Variants in NTMT1 observed in about 807,000 individuals in gnomAD.
NTMT1 encodes the protein N-terminal RCC1 methyltransferase.
Under a neutral mutation model 17.5 loss-of-function variants are expected in NTMT1, and 8 were observed. The ratio of observed to expected loss-of-function variants is 0.46; its 90% CI spans 0.27 to 0.82. The LOEUF (loss-of-function observed/expected upper bound fraction) is 0.82. NTMT1 is among the 40% of genes least tolerant of loss of function. The probability of loss-of-function intolerance (pLI) is 0.15; values close to 1 mark genes in which losing one functional copy is unlikely to be tolerated. For synonymous variants in NTMT1, 128 were observed against 126.8 expected (o/e 1.01, Z -0.06); for missense variants, 221 against 303.5 (o/e 0.73, Z 2.02).
At position 129,614,476 on chromosome 9, in the gene NTMT1, A is replaced by C; in HGVS notation, c.-55+5298A>C. On this transcript the variant is annotated intron_variant, in intron 1 of 3. Transcript: ENST00000372486. The surrounding 1 kb of genome is among the most constrained non-coding windows in gnomAD (Gnocchi z 4.4). The stretch of plus-strand genomic sequence containing the variant: ...CTCAATAAACAGCTAGAGGACATTG[A>C]CTGTTGGGGACCCTGGGGGCTGCTG... Among the ~76,000 whole-genome samples, 1 of 152,160 alleles carries C rather than the reference A, an allele frequency of 6.6e-6. No individual in the cohort carries two copies. Among genetic ancestry groups the C allele is most frequent in the East Asian group, 1.9e-4 (1 of 5,196 alleles).
At chr9:129,632,893 A>G (rs1283115088) in intron 2 of NTMT1, 28 bp downstream of exon 2, 13 of 1,607,852 alleles carry the variant, frequency 8.1e-6, no homozygotes, top group Non-Finnish European at 9.4e-6. Flanking sequence ...GCTCTCCAGG[A>G]GAGGCTGTGG....
chr9:129,635,658 C>T lies in NTMT1; in HGVS notation c.*194C>T. 1.5e-6 allele frequency: 1 copy of T among 681,398 alleles called. No homozygotes were observed. Among genetic ancestry groups the T allele is most frequent in the East Asian group, 2.7e-5 (1 of 37,404 alleles). The allele number at this position is 681,398 out of a possible 1,614,324, so 42.2% of individuals were successfully genotyped here. A position where few individuals can be genotyped will look rare whatever the true frequency, so the allele number is the denominator to read the frequency against. On this transcript the variant is annotated 3_prime_UTR_variant, in exon 4 of 4. Transcript: ENST00000372483. ...ACCCGGCGGGGAGGGTGCTGCTGAA[C>T]CAGCGGTGAGGCAGGAGCCCAGACC...
chr9:129,610,652 G>C (rs529840022), intron 1 of NTMT1, among the ~76,000 whole-genome samples: 3 of 151,978 alleles, frequency 2.0e-5, no homozygotes, highest in Non-Finnish European at 4.4e-5. Context: ...ACCCTGGAGC[G>C]AGAGGCTGAG....
In NTMT1 at chr9:129,629,532, G is replaced by A. The variant is rs1484745747; in HGVS notation, c.-54-3118G>A. Among the ~76,000 whole-genome samples, 10 of 152,282 alleles carry A rather than the reference G, an allele frequency of 6.6e-5. No homozygotes were observed. The South Asian group carries it at 8.3e-4, about 13-fold the overall frequency. On this transcript the variant is annotated intron_variant, in intron 1 of 3. Coordinates refer to ENST00000372483, the MANE Select transcript of NTMT1 (RefSeq NM_014064.4). ...CAGTCTCCCTAGTAGCTACTAGAAT[G>A]TGTGTATTTTTGACAGAGATGGGGT...
intron 1 of NTMT1, chr9:129,619,727 G>A (rs1455030535): frequency 6.2e-7 from 1 of 1,613,780 alleles, no homozygotes; most frequent in Admixed American, 1.7e-5. Context: ...CCAAGAAGCG[G>A]ACTGACGCTT....
In NTMT1 at chr9:129,620,060, G is replaced by T. The variant is rs1830602721; in HGVS notation, c.-55+10882G>T. On this transcript the variant is annotated intron_variant, in intron 1 of 3. Coordinates refer to the NTMT1 transcript ENST00000372486. The surrounding 1 kb of genome is among the most constrained non-coding windows in gnomAD (Gnocchi z 5.8). ...GGGCCCGCCCCCCGGGCCCCGCGGG[G>T]CCTCACTCAGTGGCTCCGGCTCCTC... 2 of 1,450,520 alleles carry T rather than the reference G, an allele frequency of 1.4e-6. No homozygotes were observed. Among genetic ancestry groups the T allele is most frequent in the Non-Finnish European group, 1.8e-6 (2 of 1,100,228 alleles). The allele number at this position is 1,450,520 out of a possible 1,614,324, so 89.9% of individuals were successfully genotyped here. A position where few individuals can be genotyped will look rare whatever the true frequency, so the allele number is the denominator to read the frequency against.
chr9:129,615,554 A>G (rs1218068254), intron 1 of NTMT1: 5 of 1,610,462 alleles, frequency 3.1e-6, no homozygotes, highest in Non-Finnish European at 4.2e-6. Context: ...GCACCCGGAA[A>G]GGGCAACGCT....
chr9:129,615,590 C>G (rs111868243), intron 1 of NTMT1: 1 of 1,605,686 alleles, frequency 6.2e-7, no homozygotes, highest in Non-Finnish European at 8.5e-7. Context: ...AGCCTTCCCC[C>G]GAGGGGTTGT....
In NTMT1 at chr9:129,620,410, C is replaced by A; in HGVS notation, c.-55+11232C>A. The A allele has an allele frequency of 3.2e-6, 4 of 1,240,406 alleles. No individual in the cohort carries two copies. The highest frequency in any genetic ancestry group is 4.0e-6 in the Non-Finnish European group (4 of 992,574). The allele number at this position is 1,240,406 out of a possible 1,614,324, so 76.8% of individuals were successfully genotyped here. On this transcript the variant is annotated intron_variant, in intron 1 of 3. Transcript: ENST00000372486. The surrounding 1 kb of genome is among the most constrained non-coding windows in gnomAD (Gnocchi z 5.8). ...CCGGCCACCACGCGGCGCCGCCCCC[C>A]GGGATCCTCCAGTCCCCGGAGCCCC...
intron 1 of NTMT1, chr9:129,619,814 T>C: frequency 6.2e-7 from 1 of 1,614,096 alleles, no homozygotes; most frequent in Non-Finnish European, 8.5e-7. Flanking sequence ...CCCTTTGATG[T>C]TGCGGTGCTG....
At chr9:129,623,163 C>G (rs919404195), upstream of NTMT1, among the ~76,000 whole-genome samples, 1 of 152,108 alleles carries the variant, frequency 6.6e-6, no homozygotes, top group South Asian at 2.1e-4. Flanking sequence ...GAAACCCTGT[C>G]TCTACTAAAA....
chr9:129,634,576 G>T, intron 3 of NTMT1: 1 of 417,272 alleles, frequency 2.4e-6, no homozygotes, highest in South Asian at 4.8e-5. Flanking sequence ...AAATTTTAAT[G>T]GCCAATAACT....
rs1432912826 is a variant in NTMT1 at position 129,620,842 on chromosome 9, T to C, written c.-55+11664T>C. ...GTTTAAATGAGCAAGTACATGCCAG[T>C]CTTAGAACAGCAAGCTCGGTACAGT... is the stretch of plus-strand genomic sequence containing the variant. On this transcript the variant is annotated intron_variant, in intron 1 of 3. Coordinates refer to the NTMT1 transcript ENST00000372486. This position sits in a 1 kb window ranked among gnomAD's most constrained non-coding sequence, Gnocchi z 5.8. The C allele has an allele frequency of 1.9e-5, 7 of 362,136 alleles. No individual in the cohort carries two copies. Among genetic ancestry groups the C allele is most frequent in the Non-Finnish European group, 3.0e-5 (6 of 203,294 alleles). The allele number at this position is 362,136 out of a possible 1,614,324, so 22.4% of individuals were successfully genotyped here.
intron 2 of NTMT1, 81 bp from the exon 3 acceptor site, chr9:129,633,973 C>T: frequency 6.7e-7 from 1 of 1,481,912 alleles, no homozygotes; most frequent in Non-Finnish European, 9.1e-7. Context: ...TGACTTGAGT[C>T]TAAGTCCTAG....
intron 2 of NTMT1, chr9:129,633,663 C>CAA (rs10650201): frequency 0.018 from 2,664 of 148,714 alleles, 42 homozygotes; most frequent in African/African-American, 0.044. Flanking sequence ...ACAAAAAATA[C>CAA]AAAAAAAAAA....
chr9:129,619,446 C>T (rs567637381), intron 1 of NTMT1: 98 of 1,070,548 alleles, frequency 9.2e-5, no homozygotes, highest in Non-Finnish European at 1.3e-4. Context: ...CATTCATGGG[C>T]GAAAGAGGAA....
At chr9:129,630,227 C>T (rs1035662162) in intron 1 of NTMT1, among the ~76,000 whole-genome samples, 2 of 151,878 alleles carry the variant, frequency 1.3e-5, no homozygotes, top group African/African-American at 4.8e-5. Context: ...AATCCCAACA[C>T]CTTGGGAGGC....
chr9:129,613,102 C>T lies in NTMT1; in HGVS notation c.-55+3924C>T. Reference sequence around the variant, plus strand: ...CTAGGTCCAGGAGCAAGACCATTTGCCCACCTGCTCCAGGTTTCTGTGCGG... The same window carrying T: ...CTAGGTCCAGGAGCAAGACCATTTGTCCACCTGCTCCAGGTTTCTGTGCGG... On this transcript the variant is annotated intron_variant, in intron 1 of 3. Coordinates refer to the NTMT1 transcript ENST00000372486. This position sits in a 1 kb window ranked among gnomAD's most constrained non-coding sequence, Gnocchi z 6.2. 1.9e-6 allele frequency: 3 copies of T among 1,613,780 alleles called. No individual in the cohort carries two copies. Among genetic ancestry groups the T allele is most frequent in the Non-Finnish European group, 2.5e-6 (3 of 1,180,000 alleles).
At chr9:129,633,663 CA>C (rs10650201) in intron 2 of NTMT1, 81 of 148,692 alleles carry the variant, frequency 5.4e-4, no homozygotes, top group Middle Eastern at 3.3e-3. Flanking sequence ...ACAAAAAATA[CA>C]AAAAAAAAAA....
Sources: gnomAD v4.1 joint callset for allele counts (sites outside exome capture counted in the v4.1 genomes callset) on GRCh38, gnomAD v4.1.1 for gene constraint, Gnocchi (gnomAD v3.1) non-coding constraint, MANE v1.5 for transcripts, NCBI Gene and HGNC (gene_info 2026-07-23, HGNC 2026-07-21) for gene names.